The following DCAF5 variants were observed in gnomAD, a reference collection of about 807,000 sequenced individuals.
DCAF5 encodes DDB1- and CUL4-associated factor 5.
In DCAF5, 9 loss-of-function variants were observed where a neutral mutation model predicts 80.7. That is an observed-to-expected ratio of 0.11 (90% CI 0.07 to 0.19). The LOEUF is 0.19. Ranked by LOEUF, DCAF5 falls within the 10% of genes least tolerant of loss-of-function variation. The pLI is 1.00. For missense variants in DCAF5, 842 were observed against 1,205.7 expected, an observed-to-expected ratio of 0.70 and a Z score of 4.47; for synonymous variants, 433 against 461.9, an observed-to-expected ratio of 0.94 and a Z score of 0.80.
intron 5 of DCAF5, 126 bp downstream of exon 5, chr14:69,116,240 A>AT (rs1395606704): frequency 8.7e-7 from 1 of 1,153,088 alleles, no homozygotes; most frequent in Non-Finnish European, 1.2e-6. Flanking sequence ...GAGACACTAT[A>AT]TATCTTAAGA....
At chr14:69,102,831 C>G (rs1457631582) in intron 5 of DCAF5, among the ~76,000 whole-genome samples, 4 of 152,138 alleles carry the variant, frequency 2.6e-5, no homozygotes, top group Non-Finnish European at 5.9e-5. Flanking sequence ...ACTAAAATAA[C>G]TATAAGAAAT....
At chr14:69,138,349 G>C (rs2041256539) in intron 1 of DCAF5, among the ~76,000 whole-genome samples, 1 of 152,180 alleles carries the variant, frequency 6.6e-6, no homozygotes, top group Non-Finnish European at 1.5e-5. Flanking sequence ...TCCAAAGTAC[G>C]GAAGTATAGC....
At chr14:69,058,290 G>A (rs2038055901) in intron 8 of DCAF5, among the ~76,000 whole-genome samples, 4 of 151,306 alleles carry the variant, frequency 2.6e-5, no homozygotes, top group East Asian at 2.0e-4. Context: ...AGGCCGTGGC[G>A]GGTAGATCAC....
At position 69,051,967 on chromosome 14, in the gene DCAF5, T is replaced by C. The variant is rs2139810485; in HGVS notation, c.*1890A>G. 6.5e-6 allele frequency: 1 copy of C among 152,716 alleles called. No homozygotes were observed. Among genetic ancestry groups the C allele is most frequent in the Admixed American group, 6.5e-5 (1 of 15,294 alleles). 9.5% of individuals were successfully genotyped at this position (152,716 alleles called of 1,614,324 possible). On this transcript the variant is annotated 3_prime_UTR_variant, in exon 9 of 9. Coordinates refer to ENST00000341516, the MANE Select transcript of DCAF5 (RefSeq NM_003861.3). ...AGCATTTACAATTATCTGTGAATAGTCAAAGACAAATCATAGAACCAATCT... is the reference window on the plus strand; with the variant it reads ...AGCATTTACAATTATCTGTGAATAGCCAAAGACAAATCATAGAACCAATCT...
chr14:69,086,341 G>C (rs1039614082), intron 6 of DCAF5, among the ~76,000 whole-genome samples: 2 of 152,044 alleles, frequency 1.3e-5, no homozygotes, highest in African/African-American at 2.4e-5. Flanking sequence ...CTGGGTGATA[G>C]AGCAAGACTC....
chr14:69,072,359 AAAG>A (rs750017483), intron 7 of DCAF5, among the ~76,000 whole-genome samples: 1 of 152,122 alleles, frequency 6.6e-6, no homozygotes, highest in Non-Finnish European at 1.5e-5. Context: ...ACTTTGATAA[AAAG>A]AAGTACTTAA....
At chr14:69,116,618 C>A in intron 4 of DCAF5, 123 bp from the exon 5 acceptor site, 1 of 1,143,742 alleles carries the variant, frequency 8.7e-7, no homozygotes, top group East Asian at 2.4e-5. Context: ...GGCCTGGAGC[C>A]CCAAAACAGC....
intron 7 of DCAF5, among the ~76,000 whole-genome samples, chr14:69,074,863 G>A (rs1289227119): frequency 6.6e-6 from 1 of 152,026 alleles, no homozygotes; most frequent in Non-Finnish European, 1.5e-5. Context: ...GTGAAACCCT[G>A]TTTCTACTAA....
intron 6 of DCAF5, among the ~76,000 whole-genome samples, chr14:69,076,306 G>T (rs537903194): frequency 6.6e-6 from 1 of 152,246 alleles, no homozygotes; most frequent in Admixed American, 6.5e-5. Flanking sequence ...TCCAAGAATT[G>T]AAAGCACGGA....
At chr14:69,077,998 C>A (rs2038964842) in intron 6 of DCAF5, among the ~76,000 whole-genome samples, 1 of 152,110 alleles carries the variant, frequency 6.6e-6, no homozygotes, top group Admixed American at 6.5e-5. Flanking sequence ...TCATTTAATT[C>A]TAAGATTCTA....
chr14:69,134,450 G>A (rs1181154574), intron 1 of DCAF5, among the ~76,000 whole-genome samples: 1 of 152,142 alleles, frequency 6.6e-6, no homozygotes, highest in African/African-American at 2.4e-5. Context: ...AATCAAAAAC[G>A]TGGGGCTCAA....
At chr14:69,073,444 G>A (rs1025880026) in intron 7 of DCAF5, among the ~76,000 whole-genome samples, 7 of 152,044 alleles carry the variant, frequency 4.6e-5, no homozygotes, top group African/African-American at 9.7e-5. Flanking sequence ...GTGATACTTC[G>A]TTATTGCAGC....
At position 69,053,779 on chromosome 14, in the gene DCAF5, T is replaced by C. The variant is rs1355141199; in HGVS notation, c.*78A>G. On this transcript the variant is annotated 3_prime_UTR_variant, in exon 9 of 9. Coordinates refer to ENST00000341516, the MANE Select transcript of DCAF5 (RefSeq NM_003861.3). ...ATGTGCCTTTAATACTTGTTTTTCC[T>C]TTCCTCTGTATTCACTAAACAATTT... is the stretch of plus-strand genomic sequence containing the variant. 1.4e-6 allele frequency: 2 copies of C among 1,398,600 alleles called. No individual in the cohort carries two copies. Among genetic ancestry groups the C allele is most frequent in the African/African-American group, 2.9e-5 (2 of 69,376 alleles). 86.6% of individuals were successfully genotyped at this position (1,398,600 alleles called of 1,614,324 possible).
chr14:69,112,894 C>A (rs2040420235), intron 5 of DCAF5, among the ~76,000 whole-genome samples: 1 of 152,144 alleles, frequency 6.6e-6, no homozygotes, highest in African/African-American at 2.4e-5. Flanking sequence ...GCTTCAGAGC[C>A]TATACTTCCT....
chr14:69,072,078 G>C (rs2139887588), intron 7 of DCAF5, among the ~76,000 whole-genome samples: 1 of 152,212 alleles, frequency 6.6e-6, no homozygotes, highest in African/African-American at 2.4e-5. Flanking sequence ...TCTTCATATA[G>C]ATCTGTAAGA....
Position 69,095,695 on chromosome 14 carries a change from G to A in DCAF5, c.666-3808C>T, listed in dbSNP as rs116213526. On this transcript the variant is annotated intron_variant, in intron 5 of 8. Transcript: ENST00000341516. The stretch of plus-strand genomic sequence containing the variant: ...AAGGCTGTTTCCAGGGAAAGTGATT[G>A]AGCGTATCACTTCTAGCACAACATA... 2.2e-3 allele frequency among the ~76,000 whole-genome samples: 333 copies of A among 152,310 alleles called. 3 individuals are homozygous for A. Among genetic ancestry groups the A allele is most frequent in the African/African-American group, 7.5e-3 (311 of 41,578 alleles).
At position 69,088,129 on chromosome 14, in the gene DCAF5, C is replaced by A. The variant is rs530640029; in HGVS notation, c.879+3545G>T. Among the ~76,000 whole-genome samples the A allele has an allele frequency of 9.2e-5, 14 of 152,272 alleles. No individual in the cohort carries two copies. In the East Asian group the frequency reaches 2.7e-3, roughly 29 times the overall value. On this transcript the variant is annotated intron_variant, in intron 6 of 8. Coordinates refer to ENST00000341516, the MANE Select transcript of DCAF5 (RefSeq NM_003861.3). ...GATGGGATGTGGGCTCTCCACAATC[C>A]CCACCACTCCTTAATGTTTACTCCT...
At chr14:69,095,425 A>T (rs1226861178) in intron 5 of DCAF5, among the ~76,000 whole-genome samples, 4 of 152,204 alleles carry the variant, frequency 2.6e-5, no homozygotes, top group African/African-American at 9.6e-5. Context: ...ACAGGGTAGG[A>T]GGTGATCCAA....
intron 1 of DCAF5, among the ~76,000 whole-genome samples, chr14:69,126,783 G>A (rs901812630): frequency 3.3e-5 from 5 of 151,980 alleles, no homozygotes; most frequent in African/African-American, 1.2e-4. Context: ...CTTTGACCAC[G>A]GAGCAAAGAC....
Sources: gnomAD v4.1 joint callset for allele counts (sites outside exome capture counted in the v4.1 genomes callset) on GRCh38, gnomAD v4.1.1 for gene constraint, MANE v1.5 for transcripts, NCBI Gene and HGNC (gene_info 2026-07-23, HGNC 2026-07-21) for gene names.